The following NCKAP5 variants were observed in gnomAD, a reference collection of about 807,000 sequenced individuals.
NCKAP5 encodes the protein NCK associated protein 5.
Under a neutral mutation model 167.0 loss-of-function variants are expected in NCKAP5, and 92 were observed. The observed-to-expected ratio is 0.55, with a 90% CI of 0.47 to 0.66. The LOEUF (loss-of-function observed/expected upper bound fraction) is 0.66, where lower values mean the gene tolerates loss of function less well. Ranked by LOEUF, NCKAP5 falls within the 30% of genes least tolerant of loss-of-function variation. The probability of loss-of-function intolerance (pLI) is 0.00; values close to 1 mark genes in which losing one functional copy is unlikely to be tolerated. For missense variants in NCKAP5, 2,378 were observed against 2,315.0 expected, an observed-to-expected ratio of 1.03 and a Z score of -0.56; for synonymous variants, 891 against 877.4, an observed-to-expected ratio of 1.02 and a Z score of -0.27.
At chr2:133,231,519 A>C (rs1026929801) in intron 4 of NCKAP5, among the ~76,000 whole-genome samples, 1 of 152,218 alleles carries the variant, frequency 6.6e-6, no homozygotes, top group African/African-American at 2.4e-5. Context: ...AGGCTTATCT[A>C]AACTAAGATA....
At chr2:133,420,348 C>T (rs77080323) in intron 3 of NCKAP5, among the ~76,000 whole-genome samples, 1,943 of 152,220 alleles carry the variant, frequency 0.013, 33 homozygotes, top group African/African-American at 0.044. Flanking sequence ...GTGAAAGAAA[C>T]GAGTTGCAAG....
the NCKAP5 span, among the ~76,000 whole-genome samples, chr2:133,594,640 C>T: frequency 1.3e-5 from 2 of 152,288 alleles, no homozygotes; most frequent in African/African-American, 4.8e-5. Context: ...TTCTGCTACC[C>T]CTGCTTTCTC....
At chr2:133,578,850 A>T in the NCKAP5 span, among the ~76,000 whole-genome samples, 7 of 152,236 alleles carry the variant, frequency 4.6e-5, no homozygotes, top group African/African-American at 1.7e-4. Context: ...CAGAGTCCAC[A>T]GTAAAATCTG....
chr2:133,506,106 C>T (rs555860990), intron 3 of NCKAP5, among the ~76,000 whole-genome samples: 5 of 152,152 alleles, frequency 3.3e-5, no homozygotes, highest in African/African-American at 4.8e-5. Flanking sequence ...GTGATCGATC[C>T]ACTAGACCAC....
chr2:133,359,250 C>G (rs577712613), intron 3 of NCKAP5, among the ~76,000 whole-genome samples: 1 of 152,302 alleles, frequency 6.6e-6, no homozygotes, highest in East Asian at 1.9e-4. Flanking sequence ...GCAAAGCAGG[C>G]AATCTTCTTT....
At chr2:133,012,770 C>T (rs1277141130) in intron 6 of NCKAP5, among the ~76,000 whole-genome samples, 1 of 152,086 alleles carries the variant, frequency 6.6e-6, no homozygotes, top group African/African-American at 2.4e-5. Flanking sequence ...TTCTGTTTGC[C>T]CTATCTGCTC....
At chr2:133,535,735 GTACTA>G (rs1685710701) in intron 2 of NCKAP5, among the ~76,000 whole-genome samples, 1 of 152,124 alleles carries the variant, frequency 6.6e-6, no homozygotes, top group Non-Finnish European at 1.5e-5. Flanking sequence ...CATAGAGGTT[GTACTA>G]ATTTTCATTC....
intron 7 of NCKAP5, among the ~76,000 whole-genome samples, chr2:132,973,384 G>A (rs768328092): frequency 3.0e-4 from 45 of 152,152 alleles, no homozygotes; most frequent in Non-Finnish European, 5.3e-4. Flanking sequence ...AGAACAAGTA[G>A]AAGAAAGAAA....
chr2:133,004,674 C>G (rs919196369), intron 6 of NCKAP5, among the ~76,000 whole-genome samples: 1 of 152,130 alleles, frequency 6.6e-6, no homozygotes, highest in Non-Finnish European at 1.5e-5. Context: ...CCACTGGGCA[C>G]GTATTGTCAT....
intron 4 of NCKAP5, among the ~76,000 whole-genome samples, chr2:133,234,156 G>T (rs1325603177): frequency 6.6e-6 from 1 of 152,208 alleles, no homozygotes; most frequent in African/African-American, 2.4e-5. Context: ...AGAATGTCAG[G>T]AAGGGAGACT....
chr2:132,686,687 T>C (rs1313713152), intron 19 of NCKAP5, among the ~76,000 whole-genome samples: 1 of 152,208 alleles, frequency 6.6e-6, no homozygotes, highest in Non-Finnish European at 1.5e-5. Flanking sequence ...TTAATGTCCT[T>C]GAAAGCGATT....
chr2:133,599,264 A>G, the NCKAP5 span, among the ~76,000 whole-genome samples: 1 of 152,228 alleles, frequency 6.6e-6, no homozygotes, highest in Non-Finnish European at 1.5e-5. Flanking sequence ...AGATGTTGAC[A>G]GTGACATCCT....
In NCKAP5 at chr2:132,672,873, G is replaced by A. The variant is rs1216480440; in HGVS notation, c.*416C>T. The stretch of plus-strand genomic sequence containing the variant: ...CTTTATTGCCCTGTCAGAGAAATAA[G>A]CTCTGGTGGGTTGCCTGCTGTGAAT... On this transcript the variant is annotated 3_prime_UTR_variant, in exon 20 of 20. Coordinates refer to ENST00000409261, the MANE Select transcript of NCKAP5 (RefSeq NM_207363.3). 1.4e-6 allele frequency: 1 copy of A among 711,638 alleles called. No homozygotes were observed. Among genetic ancestry groups the A allele is most frequent in the Non-Finnish European group, 1.7e-6 (1 of 579,072 alleles). 44.1% of individuals were successfully genotyped at this position (711,638 alleles called of 1,614,324 possible).
intron 3 of NCKAP5, among the ~76,000 whole-genome samples, chr2:133,506,065 C>G (rs1295746396): frequency 6.6e-6 from 1 of 152,206 alleles, no homozygotes; most frequent in East Asian, 1.9e-4. Flanking sequence ...AACTCCAGCT[C>G]TAGTCTAAGG....
intron 3 of NCKAP5, among the ~76,000 whole-genome samples, chr2:133,462,007 G>A (rs777941430): frequency 2.0e-5 from 3 of 152,190 alleles, no homozygotes; most frequent in Non-Finnish European, 2.9e-5. Context: ...GGGAATATAT[G>A]GTTATGTTCT....
Position 133,213,721 on chromosome 2 carries a change from C to T in NCKAP5, c.202G>A (p.Ala68Thr). The change falls in exon 5 of 20, where the codon GCC becomes ACC. Residue 68 changes from alanine to threonine, a missense_variant. Ala to Thr is a moderately conservative substitution (Grantham distance 58, BLOSUM62 0). Coordinates refer to ENST00000409261, the MANE Select transcript of NCKAP5 (RefSeq NM_207363.3). The stretch of plus-strand genomic sequence containing the variant: ...GGACGGCAGTCAGGACTTACCATGG[C>T]CCCCTCACTTGTTCTTTGGGCAACT... ...REVAQRTSEG[A>T]MHEKLIHELE... The T allele has an allele frequency of 6.2e-7, 1 of 1,613,618 alleles. No homozygotes were observed.
chr2:133,510,814 A>G lies in NCKAP5; in HGVS notation c.69+6644T>C, dbSNP rs142974384. Among the ~76,000 whole-genome samples the G allele has an allele frequency of 4.3e-4, 65 of 152,282 alleles. No individual in the cohort carries two copies. In the East Asian group the frequency reaches 9.7e-3, roughly 23 times the overall value. ...GCCCCAGACCTAAAGTGAAATCCCA[A>G]CTCTACCTCTTACCAGTTCCATTGC... On this transcript the variant is annotated intron_variant, in intron 3 of 19. Transcript: ENST00000409261.
the NCKAP5 span, among the ~76,000 whole-genome samples, chr2:133,631,948 T>C: frequency 6.6e-6 from 1 of 152,260 alleles, no homozygotes; most frequent in East Asian, 1.9e-4. Context: ...GAAGCAACTG[T>C]AAGTTTCTTT....
At chr2:132,919,334 T>C (rs1418303641) in intron 8 of NCKAP5, among the ~76,000 whole-genome samples, 2 of 152,048 alleles carry the variant, frequency 1.3e-5, no homozygotes. Flanking sequence ...GTACAGCATA[T>C]AATTAAAGAA....
Sources: allele counts gnomAD v4.1 joint callset (sites outside exome capture counted in the v4.1 genomes callset), GRCh38; gene constraint gnomAD v4.1.1; transcripts MANE v1.5; gene names NCBI Gene and HGNC (gene_info 2026-07-23, HGNC 2026-07-21).